Variants in SLC39A14 observed in about 807,000 individuals in gnomAD.
The protein encoded by SLC39A14 is solute carrier family 39 member 14, also known as metal cation symporter ZIP14.
Under a neutral mutation model 45.5 loss-of-function variants are expected in SLC39A14, and 19 were observed. The observed-to-expected ratio is 0.42, with a 90% confidence interval of 0.29 to 0.61. The LOEUF is 0.61. Among genes scored for constraint, SLC39A14 ranks in the 20% least tolerant of loss-of-function variants. SLC39A14 has a pLI of 0.22. For synonymous variants in SLC39A14, 264 were observed against 251.3 expected (o/e 1.05, Z -0.48); for missense variants, 447 against 616.5 (o/e 0.73, Z 2.91).
chr8:22,397,460 C>A (rs1319213955), intron 1 of SLC39A14, among the ~76,000 whole-genome samples: 1 of 152,076 alleles, frequency 6.6e-6, no homozygotes, highest in Non-Finnish European at 1.5e-5. Context: ...CGCCTGTAGT[C>A]CCAGCTACTC....
At chr8:22,422,993 T>A (rs1315404635), downstream of SLC39A14, among the ~76,000 whole-genome samples, 1 of 151,222 alleles carries the variant, frequency 6.6e-6, no homozygotes, top group African/African-American at 2.4e-5. Flanking sequence ...CTGGCTAAAT[T>A]TTGTATTTTT....
chr8:22,396,669 T>G (rs1261654854), intron 1 of SLC39A14, among the ~76,000 whole-genome samples: 1 of 150,148 alleles, frequency 6.7e-6, no homozygotes, highest in Non-Finnish European at 1.5e-5. Flanking sequence ...CTTATTTCCT[T>G]CCAAGGGAGT....
intron 1 of SLC39A14, among the ~76,000 whole-genome samples, chr8:22,391,382 G>A (rs1339634776): frequency 6.6e-6 from 1 of 152,110 alleles, no homozygotes; most frequent in African/African-American, 2.4e-5. Context: ...AGTTTTTAAA[G>A]CCAGCAGGTA....
At chr8:22,383,588 C>T (rs1833629626) in intron 1 of SLC39A14, among the ~76,000 whole-genome samples, 1 of 152,190 alleles carries the variant, frequency 6.6e-6, no homozygotes, top group Admixed American at 6.5e-5. Flanking sequence ...CGCTTGTTTT[C>T]TTAGAGCACA....
At chr8:22,396,792 G>C (rs1586693873) in intron 1 of SLC39A14, among the ~76,000 whole-genome samples, 1 of 151,888 alleles carries the variant, frequency 6.6e-6, no homozygotes, top group South Asian at 2.1e-4. Flanking sequence ...CCACATTTGG[G>C]GATGTGAGTG....
chr8:22,424,005 T>C (rs190877078), downstream of SLC39A14, among the ~76,000 whole-genome samples: 97 of 151,498 alleles, frequency 6.4e-4, no homozygotes, highest in African/African-American at 2.3e-3. Flanking sequence ...TAGAAACATC[T>C]TGCTACGTTG....
chr8:22,417,853 C>A lies in SLC39A14; in HGVS notation c.1332+18C>A. The A allele has an allele frequency of 6.2e-7, 1 of 1,606,348 alleles. No individual in the cohort carries two copies. The highest frequency in any genetic ancestry group is 1.1e-5 in the South Asian group (1 of 90,548). ...CTGATATGGTAAGTGTTCCACAGTT[C>A]ACTGGATGAGAGGGCGGCTAAGGGG... On this transcript the variant is annotated intron_variant, in intron 8 of 8. Coordinates refer to ENST00000381237, the MANE Select transcript of SLC39A14 (RefSeq NM_001128431.4).
chr8:22,427,574 C>T (rs929189341), downstream of SLC39A14, among the ~76,000 whole-genome samples: 9 of 151,584 alleles, frequency 5.9e-5, no homozygotes, highest in Non-Finnish European at 1.0e-4. Flanking sequence ...TTTCAAGTGG[C>T]ATCTTCTCTA....
chr8:22,421,995 C>T lies in SLC39A14; in HGVS notation c.*2297C>T, dbSNP rs904316757. ...AGTCGGAGCTTAGGAGGGGCGGAGA[C>T]GCTCACATCGTCTGACTTGAGTCGC... On this transcript the variant is annotated 3_prime_UTR_variant, in exon 9 of 9. Coordinates refer to ENST00000381237, the MANE Select transcript of SLC39A14 (RefSeq NM_001128431.4). The T allele has an allele frequency of 1.0e-5, 10 of 985,322 alleles. No homozygotes were observed. In the African/African-American group the frequency reaches 1.4e-4, roughly 14 times the overall value. The allele number at this position is 985,322 out of a possible 1,614,324, so 61.0% of individuals were successfully genotyped here.
rs141050872 is a variant in SLC39A14, at chr8:22,412,665, C to T, written c.627+459C>T. On this transcript the variant is annotated intron_variant, in intron 4 of 8. Transcript: ENST00000381237. ...GAGAAGTTTAAAAAACATCATCAGC[C>T]GGGTGCAGTGGCTCACACCTATATT... Among the ~76,000 whole-genome samples, 257 of 152,266 alleles carry T rather than the reference C, an allele frequency of 1.7e-3. 1 individual carries two copies. The highest frequency in any genetic ancestry group is 5.9e-3 in the African/African-American group (246 of 41,546).
Position 22,414,823 on chromosome 8 carries a change from C to G in SLC39A14, c.671C>G (p.Ser224Cys). The change falls in exon 5 of 9, where the codon TCT becomes TGT. Residue 224 changes from serine (S) to cysteine (C), a missense_variant. By Grantham distance (112) the Ser-to-Cys change is moderately radical (BLOSUM62 -1). Transcript: ENST00000381237. ...CTGGAAGATTATTATGTCTCCAAGT[C>G]TGCAGTGGTGTTTGGGGGCTTTTAT... ...NPLEDYYVSKSAVVFGGFYLF... is the reference protein window; with the variant it reads ...NPLEDYYVSKCAVVFGGFYLF... The G allele has an allele frequency of 6.2e-7, 1 of 1,612,672 alleles. No homozygotes were observed. Among genetic ancestry groups the G allele is most frequent in the Non-Finnish European group, 8.5e-7 (1 of 1,179,552 alleles).
At chr8:22,396,017 C>G (rs1048465400) in intron 1 of SLC39A14, among the ~76,000 whole-genome samples, 1 of 152,084 alleles carries the variant, frequency 6.6e-6, no homozygotes, top group African/African-American at 2.4e-5. Flanking sequence ...GATTTAGTCC[C>G]TGCAGTGTGG....
chr8:22,376,334 A>ATTTTTTTTTTTT (rs778041310), intron 1 of SLC39A14, among the ~76,000 whole-genome samples: 5 of 122,426 alleles, frequency 4.1e-5, no homozygotes, highest in African/African-American at 9.2e-5. Context: ...ACCACACCTA[A>ATTTTTTTTTTTT]TTTTTTTTTT....
At chr8:22,391,641 G>A (rs1214072091) in intron 1 of SLC39A14, among the ~76,000 whole-genome samples, 1 of 151,836 alleles carries the variant, frequency 6.6e-6, no homozygotes, top group Admixed American at 6.6e-5. Flanking sequence ...CGCGATCTCG[G>A]CTCACTGCAA....
At chr8:22,378,219 G>A (rs1833316522) in intron 1 of SLC39A14, among the ~76,000 whole-genome samples, 1 of 152,200 alleles carries the variant, frequency 6.6e-6, no homozygotes, top group African/African-American at 2.4e-5. Flanking sequence ...TCACTTCACT[G>A]CTCTGGGGAG....
chr8:22,416,592 A>ATT (rs74742507), intron 7 of SLC39A14, among the ~76,000 whole-genome samples: 2 of 139,208 alleles, frequency 1.4e-5, no homozygotes, highest in African/African-American at 2.6e-5. Flanking sequence ...ACTCGGCTAA[A>ATT]TTTTTTTTTT....
intron 1 of SLC39A14, among the ~76,000 whole-genome samples, chr8:22,395,470 A>G (rs2081625272): frequency 6.6e-6 from 1 of 152,194 alleles, no homozygotes; most frequent in Non-Finnish European, 1.5e-5. Flanking sequence ...TTGAACACCA[A>G]GCATATAGGA....
chr8:22,390,030 G>T, intron 1 of SLC39A14: 1 of 157,282 alleles, frequency 6.4e-6, no homozygotes, highest in South Asian at 1.8e-4. Flanking sequence ...CGCGTTCCAG[G>T]AAGCGGTCTT....
chr8:22,423,786 TTCTC>T (rs58420252), downstream of SLC39A14, among the ~76,000 whole-genome samples: 34 of 122,238 alleles, frequency 2.8e-4, 1 homozygote, highest in East Asian at 5.7e-4. Flanking sequence ...TTTAATTGGT[TTCTC>T]TCTCTCTCTC....
Sources: gnomAD v4.1 joint callset for allele counts (sites outside exome capture counted in the v4.1 genomes callset) on GRCh38, gnomAD v4.1.1 for gene constraint, MANE v1.5 for transcripts, NCBI Gene and HGNC (gene_info 2026-07-23, HGNC 2026-07-21) for gene names.